Variants in KATNIP observed in about 807,000 individuals in gnomAD.
KATNIP encodes katanin-interacting protein.
In KATNIP, 126 loss-of-function variants were observed where a neutral mutation model predicts 174.0. That is an observed-to-expected ratio of 0.72 (90% CI 0.63 to 0.84). The LOEUF is 0.84. KATNIP is among the 40% of genes least tolerant of loss of function. The pLI is 0.00. For synonymous variants in KATNIP, 810 were observed against 835.7 expected (o/e 0.97, Z 0.53); for missense variants, 1,958 against 2,109.7 (o/e 0.93, Z 1.41).
intron 1 of KATNIP, among the ~76,000 whole-genome samples, chr16:27,568,807 T>A (rs1242630607): frequency 1.3e-5 from 2 of 152,146 alleles, no homozygotes; most frequent in Non-Finnish European, 2.9e-5. Flanking sequence ...GGGAGGCCCT[T>A]ACACTGGATT....
chr16:27,749,570 G>A lies in KATNIP; in HGVS notation c.2624-14G>A, dbSNP rs753496375. Reference sequence around the variant, plus strand: ...ACTCACAGGGCTTCCCCCCTCTTGTGTCCTTTCTTCCAGAAGACACCTGGT... The same window carrying A: ...ACTCACAGGGCTTCCCCCCTCTTGTATCCTTTCTTCCAGAAGACACCTGGT... On this transcript the variant is annotated splice_polypyrimidine_tract_variant and intron_variant, in intron 15 of 27. Coordinates refer to ENST00000261588, the MANE Select transcript of KATNIP (RefSeq NM_015202.5). 3 of 1,522,892 alleles carry A rather than the reference G, an allele frequency of 2.0e-6. No homozygotes were observed. Among genetic ancestry groups the A allele is most frequent in the East Asian group, 4.5e-5 (2 of 44,014 alleles). 94.3% of individuals were successfully genotyped at this position (1,522,892 alleles called of 1,614,324 possible). A position where few individuals can be genotyped will look rare whatever the true frequency, so the allele number is the denominator to read the frequency against.
intron 6 of KATNIP, among the ~76,000 whole-genome samples, chr16:27,659,602 A>G (rs995943840): frequency 6.6e-6 from 1 of 152,184 alleles, no homozygotes; most frequent in African/African-American, 2.4e-5. Context: ...GAAAATAAAT[A>G]TGTACCCATC....
At chr16:27,626,007 G>A (rs888799955) in intron 3 of KATNIP, among the ~76,000 whole-genome samples, 1 of 151,790 alleles carries the variant, frequency 6.6e-6, no homozygotes, top group Non-Finnish European at 1.5e-5. Flanking sequence ...ACGCTACCAC[G>A]CCCAGTTAAT....
At chr16:27,687,513 G>T (rs970530875) in intron 8 of KATNIP, 1 of 152,092 alleles carries the variant, frequency 6.6e-6, no homozygotes, top group African/African-American at 2.4e-5. Context: ...TGTGTGTGAT[G>T]CAACTCCAAG....
chr16:27,760,361 T>A, intron 18 of KATNIP, among the ~76,000 whole-genome samples: 1 of 152,190 alleles, frequency 6.6e-6, no homozygotes, highest in East Asian at 1.9e-4. Flanking sequence ...CAGCCAATTA[T>A]CTGACAGGGC....
chr16:27,553,446 A>C (rs770621112), intron 1 of KATNIP, among the ~76,000 whole-genome samples: 9 of 152,196 alleles, frequency 5.9e-5, no homozygotes, highest in Non-Finnish European at 1.3e-4. Flanking sequence ...AGACTGAATA[A>C]CCAAAATTTG....
rs2082371515 is a variant in KATNIP, at chr16:27,773,187, A to G, written c.4287A>G (p.Glu1429=). The G allele has an allele frequency of 6.2e-6, 10 of 1,610,852 alleles. No homozygotes were observed. The highest frequency in any genetic ancestry group is 8.5e-6 in the Non-Finnish European group (10 of 1,178,222). ...TGLELYDERG[E]KIPLSENNIA... is the part of the protein sequence containing the mutation. Reference sequence around the variant, plus strand: ...TGGAGCTGTATGACGAGCGAGGAGAAAAAATCCCCTTGTCGGAAAACAGTA... The same window carrying G: ...TGGAGCTGTATGACGAGCGAGGAGAGAAAATCCCCTTGTCGGAAAACAGTA... Residue 1429 remains glutamate (E), a synonymous_variant, in exon 23 of 28, where the codon GAA becomes GAG. Transcript: ENST00000261588.
intron 2 of KATNIP, among the ~76,000 whole-genome samples, chr16:27,590,437 G>T (rs765036349): frequency 9.9e-5 from 15 of 151,616 alleles, no homozygotes; most frequent in Non-Finnish European, 1.8e-4. Flanking sequence ...CCTCCCAAGT[G>T]CTAGGATTAC....
At chr16:27,580,112 C>CT (rs1386037178) in intron 2 of KATNIP, among the ~76,000 whole-genome samples, 1 of 152,010 alleles carries the variant, frequency 6.6e-6, no homozygotes, top group Admixed American at 6.6e-5. Context: ...TTGTTGCTAT[C>CT]TTTTTTGTTT....
At chr16:27,778,456 A>T (rs1262563178) in intron 27 of KATNIP, 118 bp from the exon 28 acceptor site, 7 of 989,814 alleles carry the variant, frequency 7.1e-6, no homozygotes, top group Non-Finnish European at 1.1e-5. Flanking sequence ...GAGAGCAGGG[A>T]CTTTTCCAAG....
intron 5 of KATNIP, among the ~76,000 whole-genome samples, chr16:27,635,398 G>A (rs1025783568): frequency 5.3e-5 from 8 of 152,042 alleles, no homozygotes; most frequent in Admixed American, 2.6e-4. Flanking sequence ...GATGGGTACC[G>A]AGAGCCGGCC....
chr16:27,667,587 G>A (rs1212924062), intron 6 of KATNIP, among the ~76,000 whole-genome samples: 1 of 152,040 alleles, frequency 6.6e-6, no homozygotes, highest in Non-Finnish European at 1.5e-5. Flanking sequence ...GGGTTGGTTG[G>A]GGAGGTCTGG....
Position 27,637,062 on chromosome 16 carries a change from G to A in KATNIP, c.408+5900G>A, listed in dbSNP as rs72788524. Among the ~76,000 whole-genome samples, 52 of 152,346 alleles carry A rather than the reference G, an allele frequency of 3.4e-4. No individual in the cohort carries two copies. Among genetic ancestry groups the A allele is most frequent in the Non-Finnish European group, 5.4e-4 (37 of 68,036 alleles). On this transcript the variant is annotated intron_variant, in intron 5 of 27. Transcript: ENST00000261588. This position sits in a 1 kb window ranked among gnomAD's most constrained non-coding sequence, Gnocchi z 4.7. ...GCCTGCGCTCTCATTTGTCATGTGA[G>A]GTTGGTAATGGTAATTAATGAGGGC...
rs199505103 is a variant in KATNIP at position 27,777,972 on chromosome 16, C to G, written c.4801+3C>G. On this transcript the variant is annotated splice_donor_region_variant and intron_variant, in intron 27 of 27. Transcript: ENST00000261588. This position sits in a 1 kb window ranked among gnomAD's most constrained non-coding sequence, Gnocchi z 4.4. ...GAAGCAGAGCGTTGTTGACCCAGGTCAGTGGCGTTTCTCTGCCCAGAGCAT... is the reference window on the plus strand; with the variant it reads ...GAAGCAGAGCGTTGTTGACCCAGGTGAGTGGCGTTTCTCTGCCCAGAGCAT... 1 of 1,613,648 alleles carries G rather than the reference C, an allele frequency of 6.2e-7. No individual in the cohort carries two copies. The highest frequency in any genetic ancestry group is 8.5e-7 in the Non-Finnish European group (1 of 1,179,610).
At chr16:27,618,853 C>G (rs938839390) in intron 3 of KATNIP, among the ~76,000 whole-genome samples, 11 of 152,180 alleles carry the variant, frequency 7.2e-5, no homozygotes, top group Non-Finnish European at 1.6e-4. Flanking sequence ...TTGACAGTCC[C>G]TGAAATCTGA....
chr16:27,595,200 C>A (rs976499286), intron 2 of KATNIP, among the ~76,000 whole-genome samples: 1 of 152,132 alleles, frequency 6.6e-6, no homozygotes, highest in Non-Finnish European at 1.5e-5. Flanking sequence ...GCCTGGGCAA[C>A]ATGGTAAAGC....
At chr16:27,690,038 C>T (rs1199164647) in intron 8 of KATNIP, among the ~76,000 whole-genome samples, 3 of 152,136 alleles carry the variant, frequency 2.0e-5, no homozygotes, top group Non-Finnish European at 4.4e-5. Flanking sequence ...TGCAGTGCCT[C>T]ATGCGTGTAA....
intron 3 of KATNIP, among the ~76,000 whole-genome samples, chr16:27,628,292 A>G (rs1206345959): frequency 6.6e-6 from 1 of 152,252 alleles, no homozygotes; most frequent in Admixed American, 6.5e-5. Context: ...GTGAAATTGC[A>G]TAAAATTGGG....
intron 12 of KATNIP, among the ~76,000 whole-genome samples, chr16:27,706,158 C>T (rs1243057050): frequency 6.6e-6 from 1 of 152,196 alleles, no homozygotes; most frequent in Non-Finnish European, 1.5e-5. Flanking sequence ...TCAGTCCCAC[C>T]CCCTGGAGCT....
Sources: allele counts gnomAD v4.1 joint callset (sites outside exome capture counted in the v4.1 genomes callset), GRCh38; gene constraint gnomAD v4.1.1; non-coding constraint Gnocchi (gnomAD v3.1); transcripts MANE v1.5; gene names NCBI Gene and HGNC (gene_info 2026-07-23, HGNC 2026-07-21).